Variants in SLA observed in about 807,000 individuals in gnomAD.
SLA encodes src-like-adapter.
A neutral mutation model predicts 30.3 loss-of-function variants in SLA; 16 were observed. That is an observed-to-expected ratio of 0.53 (90% confidence interval 0.36 to 0.80). SLA has a LOEUF of 0.80. SLA is among the 30% of genes least tolerant of loss of function. SLA has a pLI of 0.01. For synonymous variants in SLA, 143 were observed against 137.8 expected (o/e 1.04, Z -0.26); for missense variants, 310 against 345.2 (o/e 0.90, Z 0.81).
chr8:133,042,424 A>C (rs576552286), intron 7 of SLA, among the ~76,000 whole-genome samples: 1 of 151,642 alleles, frequency 6.6e-6, no homozygotes, highest in South Asian at 2.1e-4. Flanking sequence ...TGCCCCATGC[A>C]CTCTGTTCTC....
chr8:133,068,723 A>G (rs939203083), intron 2 of SLA, among the ~76,000 whole-genome samples: 7 of 152,248 alleles, frequency 4.6e-5, no homozygotes, highest in Admixed American at 2.6e-4. Context: ...GCTGTCTGGC[A>G]TACGGAGGCG....
chr8:133,096,067 C>T (rs1458878692), intron 1 of SLA: 7 of 1,015,720 alleles, frequency 6.9e-6, no homozygotes, highest in Non-Finnish European at 1.1e-5. Context: ...TCCTGCCTGC[C>T]AGTTGTCCTG....
chr8:133,075,427 G>A (rs555055542), intron 1 of SLA, among the ~76,000 whole-genome samples: 1 of 152,166 alleles, frequency 6.6e-6, no homozygotes, highest in African/African-American at 2.4e-5. Flanking sequence ...GAGACACAAT[G>A]ACTTGGTGCC....
At position 133,050,725 on chromosome 8, in the gene SLA, T is replaced by A. The variant is rs1840241702; in HGVS notation, c.161+91A>T. On this transcript the variant is annotated intron_variant, in intron 4 of 8. Coordinates refer to ENST00000338087, the MANE Select transcript of SLA (RefSeq NM_001045556.3). Reference sequence around the variant, plus strand: ...AATAGGACCAGGACTCATGTGGAACTAGACCACTCTAGCTAACAATCAAAT... The same window carrying A: ...AATAGGACCAGGACTCATGTGGAACAAGACCACTCTAGCTAACAATCAAAT... 7 of 845,648 alleles carry A rather than the reference T, an allele frequency of 8.3e-6. No homozygotes were observed. The South Asian group carries it at 1.0e-4, about 12-fold the overall frequency. 52.4% of individuals were successfully genotyped at this position (845,648 alleles called of 1,614,324 possible). A position where few individuals can be genotyped will look rare whatever the true frequency, so the allele number is the denominator to read the frequency against.
In SLA at chr8:133,075,029, G is replaced by A; in HGVS notation, c.-217C>T. On this transcript the variant is annotated 5_prime_UTR_variant, in exon 2 of 9. Coordinates refer to ENST00000338087, the MANE Select transcript of SLA (RefSeq NM_001045556.3). ...CAGAAGAACTGCAGTTGCTAAACTG[G>A]CCGCATACTTCCTCTGCTAGGAACG... is the stretch of plus-strand genomic sequence containing the variant. The A allele has an allele frequency of 1.0e-6, 1 of 985,442 alleles. No individual in the cohort carries two copies. Among genetic ancestry groups the A allele is most frequent in the Non-Finnish European group, 1.2e-6 (1 of 829,934 alleles). 61.0% of individuals were successfully genotyped at this position (985,442 alleles called of 1,614,324 possible).
chr8:133,094,837 C>T (rs1048760247), intron 1 of SLA: 4 of 678,326 alleles, frequency 5.9e-6, no homozygotes, highest in Non-Finnish European at 1.0e-5. Flanking sequence ...AAACTGAGGC[C>T]TAGAGAGACA....
chr8:133,089,007 T>C (rs144512933), intron 1 of SLA, among the ~76,000 whole-genome samples: 2 of 152,358 alleles, frequency 1.3e-5, no homozygotes, highest in African/African-American at 2.4e-5. Context: ...GGCTGCTCAA[T>C]AGCATGCCAC....
At chr8:133,048,066 C>T in intron 5 of SLA, 133 bp from the exon 6 acceptor site, 1 of 602,828 alleles carries the variant, frequency 1.7e-6, no homozygotes, top group Non-Finnish European at 3.0e-6. Context: ...GAAGCATCAT[C>T]TCTCTTCCAC....
In SLA at chr8:133,072,448, GGATA is replaced by G. The variant is rs1204912887; in HGVS notation, c.-41+2401_-41+2404del. Among the ~76,000 whole-genome samples, 25 of 152,092 alleles carry G rather than the reference GGATA, an allele frequency of 1.6e-4. No individual in the cohort carries two copies. The East Asian group carries it at 2.9e-3, about 18-fold the overall frequency. ...GGAAGAGAGGGATAGATGGATAGAT[GGATA>G]GATAGATAGATGGATAGATAGATAG... On this transcript the variant is annotated intron_variant, in intron 2 of 8. Transcript: ENST00000338087.
chr8:133,055,044 T>A (rs747950272), intron 3 of SLA, among the ~76,000 whole-genome samples: 18 of 152,152 alleles, frequency 1.2e-4, no homozygotes, highest in Admixed American at 3.3e-4. Context: ...AGAGTTTTAG[T>A]CACCTATCTA....
chr8:133,058,584 G>A (rs1359696010), intron 3 of SLA, among the ~76,000 whole-genome samples: 2 of 152,178 alleles, frequency 1.3e-5, no homozygotes, highest in Non-Finnish European at 2.9e-5. Context: ...CTGGGCTCAG[G>A]GCCCTGCGGT....
intron 1 of SLA, among the ~76,000 whole-genome samples, chr8:133,093,723 G>A (rs987174995): frequency 2.0e-5 from 3 of 152,086 alleles, no homozygotes; most frequent in South Asian, 2.1e-4. Context: ...AGAGATCATC[G>A]TAACAACAGT....
chr8:133,095,004 T>C (rs1351845884), intron 1 of SLA: 4 of 1,612,056 alleles, frequency 2.5e-6, no homozygotes, highest in Non-Finnish European at 3.4e-6. Flanking sequence ...GGGCTGAAGA[T>C]GATCTGAACC....
rs1164704179 is a variant in SLA, at chr8:133,095,344, A to T, written c.-319+7209T>A. On this transcript the variant is annotated intron_variant, in intron 1 of 8. Coordinates refer to ENST00000338087, the MANE Select transcript of SLA (RefSeq NM_001045556.3). ...TGATGACCAACTGGAGCTGGAACTC[A>T]CATTCCCTAGCCCCTAGAGCTGTGC... 1.6e-5 allele frequency: 19 copies of T among 1,225,252 alleles called. No individual in the cohort carries two copies. The East Asian group carries it at 4.3e-4, about 28-fold the overall frequency. The allele number at this position is 1,225,252 out of a possible 1,614,324, so 75.9% of individuals were successfully genotyped here. A position where few individuals can be genotyped will look rare whatever the true frequency, so the allele number is the denominator to read the frequency against.
chr8:133,086,138 T>A (rs1324433022), intron 1 of SLA, among the ~76,000 whole-genome samples: 1 of 152,220 alleles, frequency 6.6e-6, no homozygotes, highest in Non-Finnish European at 1.5e-5. Flanking sequence ...TTATATGAAA[T>A]GTCCAGAATA....
At chr8:133,055,189 TTG>T (rs1841149114) in intron 3 of SLA, among the ~76,000 whole-genome samples, 1 of 152,052 alleles carries the variant, frequency 6.6e-6, no homozygotes, top group South Asian at 2.1e-4. Context: ...TCCAGGTAAG[TTG>T]TCAGGGTTAG....
At chr8:133,096,141 C>T in intron 1 of SLA, 2 of 1,587,282 alleles carry the variant, frequency 1.3e-6, no homozygotes, top group South Asian at 2.2e-5. Context: ...TGGTTAAGAC[C>T]TCTTTATGCA....
chr8:133,045,730 G>T (rs1263488799), intron 6 of SLA, among the ~76,000 whole-genome samples: 1 of 152,048 alleles, frequency 6.6e-6, no homozygotes, highest in Non-Finnish European at 1.5e-5. Context: ...ACACATTTGG[G>T]GTGCTTCCAC....
chr8:133,070,009 A>G lies in SLA; in HGVS notation c.-41+4844T>C, dbSNP rs1334382389. On this transcript the variant is annotated intron_variant, in intron 2 of 8. Coordinates refer to ENST00000338087, the MANE Select transcript of SLA (RefSeq NM_001045556.3). ...GAGCAAGGCTCCAGCTCCAAAAAAAAAAAAAAAAAAAAAAAAAGAAAGAAA... is the reference window on the plus strand; with the variant it reads ...GAGCAAGGCTCCAGCTCCAAAAAAAGAAAAAAAAAAAAAAAAAGAAAGAAA... 2.4e-5 allele frequency among the ~76,000 whole-genome samples: 3 copies of G among 125,618 alleles called. No homozygotes were observed. The Admixed American group carries it at 2.6e-4, about 11-fold the overall frequency. The allele number at this position is 125,618 out of a possible 152,430, so 82.4% of individuals were successfully genotyped here.
Sources: gnomAD v4.1 joint callset for allele counts (sites outside exome capture counted in the v4.1 genomes callset) on GRCh38, gnomAD v4.1.1 for gene constraint, MANE v1.5 for transcripts, NCBI Gene and HGNC (gene_info 2026-07-23, HGNC 2026-07-21) for gene names.